Variants in DENND1A observed in about 807,000 individuals in gnomAD.
DENND1A encodes the protein DENN domain containing 1A.
DENND1A carries 51 observed loss-of-function variants against 113.7 expected under a neutral mutation model. That is an observed-to-expected ratio of 0.45 (90% confidence interval 0.36 to 0.57). DENND1A has a LOEUF of 0.57. Among genes scored for constraint, DENND1A ranks in the 20% least tolerant of loss-of-function variants. DENND1A has a pLI of 0.00. For synonymous variants in DENND1A, 565 were observed against 570.8 expected (o/e 0.99, Z 0.14); for missense variants, 1,258 against 1,395.9 (o/e 0.90, Z 1.57).
intron 1 of DENND1A, among the ~76,000 whole-genome samples, chr9:123,887,658 T>C (rs975867593): frequency 6.9e-6 from 1 of 145,616 alleles, no homozygotes; most frequent in Non-Finnish European, 1.5e-5. Context: ...CTTCCCAGAG[T>C]GAGTGGGAGT....
At chr9:123,529,325 TC>T (rs2055107068) in intron 13 of DENND1A, among the ~76,000 whole-genome samples, 1 of 152,004 alleles carries the variant, frequency 6.6e-6, no homozygotes, top group South Asian at 2.1e-4. Context: ...AGACCCCTTC[TC>T]CCCCGACTGT....
At chr9:123,769,453 A>G in intron 4 of DENND1A, 61 bp downstream of exon 4, 1 of 1,411,394 alleles carries the variant, frequency 7.1e-7, no homozygotes, top group Non-Finnish European at 9.7e-7. Flanking sequence ...TATGGTTTTT[A>G]TTTTCTATAG....
At chr9:123,626,799 G>A (rs1003466553) in intron 10 of DENND1A, among the ~76,000 whole-genome samples, 11 of 152,132 alleles carry the variant, frequency 7.2e-5, no homozygotes, top group African/African-American at 2.4e-4. Context: ...CAGGAGAGGC[G>A]GGAGGCAGCA....
chr9:123,626,182 C>T (rs1011435043), intron 10 of DENND1A, among the ~76,000 whole-genome samples: 2 of 152,092 alleles, frequency 1.3e-5, no homozygotes, highest in African/African-American at 4.8e-5. Context: ...CATAAGCTAC[C>T]GCATTTGACC....
chr9:123,519,354 C>A (rs1297389137), intron 13 of DENND1A, among the ~76,000 whole-genome samples: 1 of 152,204 alleles, frequency 6.6e-6, no homozygotes, highest in Non-Finnish European at 1.5e-5. Context: ...ACAGAACCCC[C>A]AATTTGTTCA....
At chr9:123,851,257 C>T (rs772433044) in intron 2 of DENND1A, among the ~76,000 whole-genome samples, 1 of 152,158 alleles carries the variant, frequency 6.6e-6, no homozygotes, top group Non-Finnish European at 1.5e-5. Context: ...ACTTTCTAGG[C>T]TTTTATATAA....
In DENND1A at chr9:123,723,393, T is replaced by C. The variant is rs541459382; in HGVS notation, c.302+34310A>G. The stretch of plus-strand genomic sequence containing the variant: ...GAAATCAGTTAAGACTTTGGGGGAC[T>C]GTTGGGAAGGCATGATTAGTTTTGA... On this transcript the variant is annotated intron_variant, in intron 5 of 23. Coordinates refer to ENST00000394215, the MANE Select transcript of DENND1A (RefSeq NM_001352964.2). Among the ~76,000 whole-genome samples the C allele has an allele frequency of 2.6e-5, 4 of 152,184 alleles. No homozygotes were observed. In the East Asian group the frequency reaches 7.7e-4, roughly 29 times the overall value.
At chr9:123,707,402 G>GAA (rs111625198) in intron 5 of DENND1A, among the ~76,000 whole-genome samples, 282 of 136,714 alleles carry the variant, frequency 2.1e-3, no homozygotes, top group African/African-American at 7.2e-3. Context: ...TCTCAAAAAG[G>GAA]AAAAAAAAAA....
intron 2 of DENND1A, among the ~76,000 whole-genome samples, chr9:123,818,517 TATACACACACACACAC>T (rs779662020): frequency 8.1e-5 from 10 of 123,136 alleles, no homozygotes; most frequent in African/African-American, 3.0e-4. Context: ...TATACATACA[TATACACACACACACAC>T]ACACACACAC....
At chr9:123,420,386 C>T (rs951702223) in intron 19 of DENND1A, among the ~76,000 whole-genome samples, 2 of 152,192 alleles carry the variant, frequency 1.3e-5, no homozygotes, top group Non-Finnish European at 2.9e-5. Context: ...TTTCTGGGTG[C>T]CCCACAACTT....
chr9:123,717,452 C>A (rs2067050470), intron 5 of DENND1A, among the ~76,000 whole-genome samples: 1 of 152,218 alleles, frequency 6.6e-6, no homozygotes, highest in South Asian at 2.1e-4. Context: ...GGCAACTGTA[C>A]AAGATTACAC....
intron 10 of DENND1A, among the ~76,000 whole-genome samples, chr9:123,627,507 C>T (rs1377577049): frequency 1.3e-5 from 2 of 152,106 alleles, no homozygotes; most frequent in Non-Finnish European, 2.9e-5. Flanking sequence ...TTCGGGAGGC[C>T]GAGGTGGGTG....
intron 13 of DENND1A, among the ~76,000 whole-genome samples, chr9:123,543,448 T>C (rs1438067578): frequency 1.3e-5 from 2 of 152,184 alleles, no homozygotes; most frequent in Non-Finnish European, 2.9e-5. Context: ...TATCAATATC[T>C]TTGGGTCTAA....
At chr9:123,552,021 G>GAGAGAGAC (rs1564702922) in intron 13 of DENND1A, among the ~76,000 whole-genome samples, 13 of 93,494 alleles carry the variant, frequency 1.4e-4, no homozygotes, top group African/African-American at 6.4e-4. Flanking sequence ...GCGAGAGCGA[G>GAGAGAGAC]AGAGAGAGAG....
At chr9:123,851,170 A>G (rs1021150912) in intron 2 of DENND1A, among the ~76,000 whole-genome samples, 2 of 152,200 alleles carry the variant, frequency 1.3e-5, no homozygotes, top group East Asian at 1.9e-4. Context: ...TCCGTAATCT[A>G]TCCCTCCTGC....
chr9:123,671,431 G>A, intron 6 of DENND1A, 60 bp from the exon 7 acceptor site: 1 of 1,549,294 alleles, frequency 6.5e-7, no homozygotes, highest in Non-Finnish European at 8.9e-7. Context: ...TAAGATACCT[G>A]CAGGGAGGTC....
chr9:123,925,417 TCACCAGCGGCATCTC>T (rs1856933771), intron 1 of DENND1A, among the ~76,000 whole-genome samples: 1 of 152,138 alleles, frequency 6.6e-6, no homozygotes, highest in Admixed American at 6.5e-5. Flanking sequence ...CACCTATTCG[TCACCAGCGGCATCTC>T]CACCATTGCA....
chr9:123,472,817 G>T (rs753168763), intron 13 of DENND1A, among the ~76,000 whole-genome samples: 9 of 152,158 alleles, frequency 5.9e-5, no homozygotes. Flanking sequence ...GGCCAGCCAC[G>T]GTTCTCCAGG....
intron 13 of DENND1A, among the ~76,000 whole-genome samples, chr9:123,465,913 G>T (rs1490387709): frequency 6.6e-6 from 1 of 152,162 alleles, no homozygotes; most frequent in East Asian, 1.9e-4. Context: ...TTTATAGCTT[G>T]TACATGCATT....
Sources: gnomAD v4.1 joint callset for allele counts (sites outside exome capture counted in the v4.1 genomes callset) on GRCh38, gnomAD v4.1.1 for gene constraint, MANE v1.5 for transcripts, NCBI Gene and HGNC (gene_info 2026-07-23, HGNC 2026-07-21) for gene names.